Variants in NXPE2 observed in about 807,000 individuals in gnomAD.
NXPE2 encodes neurexophilin and PC-esterase domain family member 2.
A neutral mutation model predicts 34.4 loss-of-function variants in NXPE2; 34 were observed. The observed-to-expected ratio is 0.99, with a 90% CI of 0.75 to 1.31. The LOEUF (loss-of-function observed/expected upper bound fraction) is 1.31, where lower values mean the gene tolerates loss of function less well. Among genes scored for constraint, NXPE2 ranks in the 40% most tolerant of loss-of-function variants. The pLI is 0.00. For missense variants in NXPE2, 649 were observed against 672.5 expected (o/e 0.97, Z 0.39); for synonymous variants, 235 against 231.3 (o/e 1.02, Z -0.15).
At chr11:114,557,248 T>C in the NXPE2 span, among the ~76,000 whole-genome samples, 10 of 152,154 alleles carry the variant, frequency 6.6e-5, no homozygotes, top group Non-Finnish European at 1.2e-4. Context: ...TCTATTTCCA[T>C]TCTCATTTAG....
chr11:114,597,747 A>C, the NXPE2 span, among the ~76,000 whole-genome samples: 26,747 of 152,024 alleles, frequency 0.18, 2,532 homozygotes, highest in African/African-American at 0.24. Context: ...TAAAAAATGG[A>C]GGTACATGTC....
chr11:114,632,262 T>G, the NXPE2 span, among the ~76,000 whole-genome samples: 1 of 139,358 alleles, frequency 7.2e-6, no homozygotes, highest in Non-Finnish European at 1.5e-5. Flanking sequence ...ATATGTATAA[T>G]ATATATGTAT....
the NXPE2 span, among the ~76,000 whole-genome samples, chr11:114,577,044 GTTATA>G: frequency 3.9e-5 from 1 of 25,740 alleles, no homozygotes; most frequent in African/African-American, 1.9e-4. Context: ...TATATATAAA[GTTATA>G]TATATATACA....
the NXPE2 span, among the ~76,000 whole-genome samples, chr11:114,526,880 T>C: frequency 2.6e-5 from 4 of 152,242 alleles, no homozygotes; most frequent in African/African-American, 4.8e-5. Flanking sequence ...TTCCCTGTAT[T>C]ATTATTTGCT....
the NXPE2 span, among the ~76,000 whole-genome samples, chr11:114,533,713 T>C: frequency 1.5e-3 from 234 of 152,222 alleles, 1 homozygote; most frequent in Middle Eastern, 3.4e-3. Context: ...GAGATCAAAC[T>C]GCAAGGCGGC....
At chr11:114,590,353 A>C in the NXPE2 span, among the ~76,000 whole-genome samples, 1 of 152,234 alleles carries the variant, frequency 6.6e-6, no homozygotes, top group African/African-American at 2.4e-5. Context: ...CCAGAGCATT[A>C]GGGGAAGAAA....
the NXPE2 span, among the ~76,000 whole-genome samples, chr11:114,786,058 G>T: frequency 2.7e-4 from 41 of 152,320 alleles, no homozygotes; most frequent in Admixed American, 2.5e-3. Flanking sequence ...GCCTGCTTGT[G>T]AATGTATGTT....
the NXPE2 span, among the ~76,000 whole-genome samples, chr11:114,523,269 T>G: frequency 1.3e-5 from 2 of 152,198 alleles, no homozygotes; most frequent in Non-Finnish European, 2.9e-5. Flanking sequence ...CTTCTGCTTA[T>G]TCCTTTAAGA....
At chr11:114,648,449 C>A in the NXPE2 span, among the ~76,000 whole-genome samples, 35 of 152,320 alleles carry the variant, frequency 2.3e-4, 1 homozygote, top group South Asian at 7.0e-3. Context: ...TTCAGGCTTT[C>A]ACAAATTGGA....
chr11:114,621,909 A>G, the NXPE2 span, among the ~76,000 whole-genome samples: 1,066 of 150,908 alleles, frequency 7.1e-3, 14 homozygotes, highest in Middle Eastern at 0.059. Context: ...GTAACCAGTT[A>G]CCTGGTGGAT....
At chr11:114,749,840 C>T in the NXPE2 span, among the ~76,000 whole-genome samples, 2 of 152,140 alleles carry the variant, frequency 1.3e-5, no homozygotes, top group Non-Finnish European at 2.9e-5. Flanking sequence ...ACGTGGATGT[C>T]TTCTTCACCC....
the NXPE2 span, among the ~76,000 whole-genome samples, chr11:114,495,598 C>G: frequency 2.0e-5 from 3 of 151,876 alleles, no homozygotes; most frequent in Non-Finnish European, 2.9e-5. Flanking sequence ...CCTATAGCCA[C>G]CACAGCTGAG....
At chr11:114,640,048 AATAT>A in the NXPE2 span, among the ~76,000 whole-genome samples, 1 of 119,178 alleles carries the variant, frequency 8.4e-6, no homozygotes, top group Admixed American at 9.9e-5. Flanking sequence ...ATTATTTTAT[AATAT>A]ATAATTTATT....
the NXPE2 span, among the ~76,000 whole-genome samples, chr11:114,652,283 G>T: frequency 6.6e-6 from 1 of 152,344 alleles, no homozygotes; most frequent in South Asian, 2.1e-4. Context: ...AAGGGGAAAT[G>T]ATGCCCTTAA....
At chr11:114,770,730 C>A in the NXPE2 span, among the ~76,000 whole-genome samples, 262 of 152,248 alleles carry the variant, frequency 1.7e-3, 1 homozygote, top group Admixed American at 5.7e-3. Context: ...TATAGGCGAG[C>A]AAACTGAGGT....
chr11:114,639,458 C>T, the NXPE2 span, among the ~76,000 whole-genome samples: 124 of 151,704 alleles, frequency 8.2e-4, no homozygotes, highest in East Asian at 0.02. Flanking sequence ...GGCTCATGCA[C>T]GCTGCGCTGC....
chr11:114,561,197 G>A, the NXPE2 span, among the ~76,000 whole-genome samples: 1 of 152,158 alleles, frequency 6.6e-6, no homozygotes, highest in African/African-American at 2.4e-5. Context: ...AGGATTAAAT[G>A]AATTAATACA....
At chr11:114,582,829 C>T in the NXPE2 span, 17 of 1,614,042 alleles carry the variant, frequency 1.1e-5, no homozygotes, top group Middle Eastern at 6.6e-4. Context: ...CTATGTGTGG[C>T]GCTGGTGGTG....
the NXPE2 span, among the ~76,000 whole-genome samples, chr11:114,807,852 A>T: frequency 6.6e-6 from 1 of 152,106 alleles, no homozygotes; most frequent in East Asian, 1.9e-4. Flanking sequence ...CCTAATAGAC[A>T]TCTACAGACC....
Sources: allele counts gnomAD v4.1 joint callset (sites outside exome capture counted in the v4.1 genomes callset), GRCh38; gene constraint gnomAD v4.1.1; transcripts MANE v1.5; gene names NCBI Gene and HGNC (gene_info 2026-07-23, HGNC 2026-07-21).